The following ARFGEF2 variants were observed in gnomAD, a reference collection of about 807,000 sequenced individuals.
ARFGEF2 encodes ARF guanine nucleotide exchange factor 2, also known as brefeldin A-inhibited guanine nucleotide-exchange protein 2.
Under a neutral mutation model 219.9 loss-of-function variants are expected in ARFGEF2, and 74 were observed. The ratio of observed to expected loss-of-function variants is 0.34; its 90% CI spans 0.28 to 0.41. The LOEUF (loss-of-function observed/expected upper bound fraction) is 0.41, where lower values mean the gene tolerates loss of function less well. Among genes scored for constraint, ARFGEF2 ranks in the 10% least tolerant of loss-of-function variants. The pLI, the probability that ARFGEF2 is intolerant of heterozygous loss-of-function variation, is 1.00. For missense variants in ARFGEF2, 1,743 were observed against 2,218.3 expected (o/e 0.79, Z 4.30); for synonymous variants, 733 against 799.2 (o/e 0.92, Z 1.40).
intron 22 of ARFGEF2, among the ~76,000 whole-genome samples, chr20:48,995,152 G>GA (rs2091378650): frequency 6.6e-6 from 1 of 152,200 alleles, no homozygotes; most frequent in South Asian, 2.1e-4. Context: ...AATCCAATGA[G>GA]AACAGGGACT....
rs139739377 is a variant in ARFGEF2, at chr20:48,976,109, C to G, written c.1868C>G (p.Ser623Cys). ...GTGACGTCCATGGAGTCCACAGTGT[C>G]CTCGGGGACCCAGACAACTGTTCAG... Reference protein sequence around the residue: ...CSVTSMESTVSSGTQTTVQDD... With the variant: ...CSVTSMESTVCSGTQTTVQDD... The change falls in exon 14 of 39, where the codon TCC becomes TGC. Residue 623 changes from serine to cysteine, a missense_variant. By Grantham distance (112) the Ser-to-Cys change is moderately radical. Coordinates refer to ENST00000371917, the MANE Select transcript of ARFGEF2 (RefSeq NM_006420.3). 23 of 1,613,644 alleles carry G rather than the reference C, an allele frequency of 1.4e-5. No individual in the cohort carries two copies. Among genetic ancestry groups the G allele is most frequent in the Non-Finnish European group, 1.9e-5 (22 of 1,180,034 alleles).
At position 48,966,003 on chromosome 20, in the gene ARFGEF2, T is replaced by C; in HGVS notation, c.1039T>C (p.Leu347=). 6.2e-7 allele frequency: 1 copy of C among 1,614,126 alleles called. No individual in the cohort carries two copies. Among genetic ancestry groups the C allele is most frequent in the South Asian group, 1.1e-5 (1 of 91,082 alleles). ...CGGGATAGCCGATGACAGGCAGTCC[T>C]TGTCGTCAGCAGATAATCTGGTATG... ...TNGIADDRQS[L]SSADNLESDA... Residue 347 remains leucine, a synonymous_variant, in exon 8 of 39, where the codon TTG becomes CTG. Transcript: ENST00000371917.
At chr20:48,931,259 G>C (rs2090911517) in intron 1 of ARFGEF2, among the ~76,000 whole-genome samples, 2 of 152,174 alleles carry the variant, frequency 1.3e-5, no homozygotes, top group Non-Finnish European at 2.9e-5. Context: ...ACTTGAACTT[G>C]TTTAAATGTC....
chr20:48,958,107 A>G (rs2091116202), intron 6 of ARFGEF2, among the ~76,000 whole-genome samples: 1 of 152,244 alleles, frequency 6.6e-6, no homozygotes, highest in African/African-American at 2.4e-5. Context: ...CTGCAGGGCC[A>G]GGCGGGTGAC....
intron 21 of ARFGEF2, among the ~76,000 whole-genome samples, chr20:48,992,336 A>C (rs983864380): frequency 1.3e-5 from 2 of 152,158 alleles, no homozygotes; most frequent in African/African-American, 4.8e-5. Flanking sequence ...TGCCATCTAC[A>C]TGTATTACTT....
chr20:48,997,269 GATT>G (rs1307391569), intron 23 of ARFGEF2, among the ~76,000 whole-genome samples: 1 of 133,810 alleles, frequency 7.5e-6, no homozygotes, highest in African/African-American at 4.0e-5. Flanking sequence ...CTTATGTATT[GATT>G]GATTGATTGA....
At position 48,921,871 on chromosome 20, in the gene ARFGEF2, C is replaced by G. The variant is rs978312747; in HGVS notation, c.-19C>G. Reference sequence around the variant, plus strand: ...CGCCGCCCGCCCGCGGGGCCGTCAGCCCCCGCCGGGCCGGGGCCATGCAGG... The same window carrying G: ...CGCCGCCCGCCCGCGGGGCCGTCAGGCCCCGCCGGGCCGGGGCCATGCAGG... On this transcript the variant is annotated 5_prime_UTR_variant, in exon 1 of 39. Coordinates refer to ENST00000371917, the MANE Select transcript of ARFGEF2 (RefSeq NM_006420.3). 1 of 1,522,038 alleles carries G rather than the reference C, an allele frequency of 6.6e-7. No homozygotes were observed. Among genetic ancestry groups the G allele is most frequent in the African/African-American group, 1.4e-5 (1 of 69,362 alleles). 94.3% of individuals were successfully genotyped at this position (1,522,038 alleles called of 1,614,324 possible).
intron 9 of ARFGEF2, among the ~76,000 whole-genome samples, chr20:48,970,268 T>C (rs1329450189): frequency 6.6e-6 from 1 of 150,848 alleles, no homozygotes; most frequent in African/African-American, 2.4e-5. Flanking sequence ...TGAGCTGAGA[T>C]CGTGTCACTG....
Position 48,975,923 on chromosome 20 carries a change from G to A in ARFGEF2, c.1775-93G>A, listed in dbSNP as rs187383330. On this transcript the variant is annotated intron_variant, in intron 13 of 38. Transcript: ENST00000371917. ...TAGTATTGACTTGTTGCTATTACAG[G>A]TTTGGGAAAGGGAGCCGTGCAGCCA... 1.3e-3 allele frequency: 1,521 copies of A among 1,183,662 alleles called. 4 individuals carry two copies. The highest frequency in any genetic ancestry group is 2.6e-3 in the Admixed American group (142 of 54,430). The allele number at this position is 1,183,662 out of a possible 1,614,324, so 73.3% of individuals were successfully genotyped here. A position where few individuals can be genotyped will look rare whatever the true frequency, so the allele number is the denominator to read the frequency against.
intron 30 of ARFGEF2, among the ~76,000 whole-genome samples, chr20:49,014,640 C>T (rs1001700013): frequency 2.6e-5 from 4 of 151,958 alleles, no homozygotes; most frequent in Non-Finnish European, 4.4e-5. Context: ...AAATATGATT[C>T]GGAGGCCAGG....
chr20:48,934,904 A>T (rs942474741), intron 1 of ARFGEF2, among the ~76,000 whole-genome samples: 2 of 152,076 alleles, frequency 1.3e-5, no homozygotes, highest in Non-Finnish European at 2.9e-5. Flanking sequence ...GGTATTCCTC[A>T]TTCTAGATCC....
chr20:49,019,910 A>G (rs1262311953), intron 34 of ARFGEF2, among the ~76,000 whole-genome samples: 1 of 152,134 alleles, frequency 6.6e-6, no homozygotes, highest in Non-Finnish European at 1.5e-5. Context: ...ATTTTTGCCA[A>G]ATTGTCTCTT....
chr20:48,935,546 C>T (rs1040917127), intron 1 of ARFGEF2, among the ~76,000 whole-genome samples: 1 of 152,208 alleles, frequency 6.6e-6, no homozygotes, highest in Non-Finnish European at 1.5e-5. Context: ...CCCCACCTTT[C>T]CCCCCTTTCT....
chr20:48,977,426 G>T (rs531125760), intron 14 of ARFGEF2, among the ~76,000 whole-genome samples: 5 of 152,102 alleles, frequency 3.3e-5, no homozygotes, highest in African/African-American at 4.8e-5. Flanking sequence ...GAATAGTGCC[G>T]CAATAAACAT....
At chr20:49,016,485 T>G in intron 31 of ARFGEF2, 70 bp downstream of exon 31, 1 of 1,536,196 alleles carries the variant, frequency 6.5e-7, no homozygotes, top group Non-Finnish European at 8.9e-7. Context: ...TTTTCAATAT[T>G]TAAAAGCATG....
At chr20:48,999,993 G>T (rs2091415535) in intron 25 of ARFGEF2, among the ~76,000 whole-genome samples, 1 of 152,156 alleles carries the variant, frequency 6.6e-6, no homozygotes, top group Non-Finnish European at 1.5e-5. Context: ...TACCATTGGG[G>T]TATAGAATAA....
chr20:49,026,139 A>T (rs914935583), intron 36 of ARFGEF2, among the ~76,000 whole-genome samples: 1 of 152,196 alleles, frequency 6.6e-6, no homozygotes, highest in African/African-American at 2.4e-5. Flanking sequence ...GTTCAAGACC[A>T]GCCTGGGCAA....
chr20:49,018,898 C>T lies in ARFGEF2; in HGVS notation c.4524C>T (p.Asp1508=), dbSNP rs749001888. ...SSEKHLDVDL[D]RQSLSSIDKN... The stretch of plus-strand genomic sequence containing the variant: ...TTTACATTTAGGATGTGGATCTGGA[C>T]CGCCAGTCTTTAAGCAGCATAGATA... The change falls in exon 34 of 39, where the codon GAC becomes GAT. Residue 1508 remains aspartate, a synonymous_variant. Transcript: ENST00000371917. 1 of 1,613,762 alleles carries T rather than the reference C, an allele frequency of 6.2e-7. No homozygotes were observed. Among genetic ancestry groups the T allele is most frequent in the Non-Finnish European group, 8.5e-7 (1 of 1,179,746 alleles).
At chr20:49,004,948 C>T in intron 25 of ARFGEF2, 122 bp from the exon 26 acceptor site, 1 of 1,090,220 alleles carries the variant, frequency 9.2e-7, no homozygotes, top group Non-Finnish European at 1.4e-6. Context: ...TTCTTTTCTC[C>T]TTAGGTGTGT....
Sources: allele counts gnomAD v4.1 joint callset (sites outside exome capture counted in the v4.1 genomes callset), GRCh38; gene constraint gnomAD v4.1.1; transcripts MANE v1.5; gene names NCBI Gene and HGNC (gene_info 2026-07-23, HGNC 2026-07-21).